FAM83H: variants seen among roughly 807,000 people sequenced by gnomAD.
FAM83H encodes scaffolding CK1 anchoring protein H.
FAM83H carries 24 observed loss-of-function variants against 30.2 expected under a neutral mutation model. The observed-to-expected ratio is 0.79, with a 90% CI of 0.57 to 1.12. The LOEUF (loss-of-function observed/expected upper bound fraction) is 1.12, where lower values mean the gene tolerates loss of function less well. Ranked by LOEUF, FAM83H falls within the 50% of genes most tolerant of loss-of-function variation. The pLI is 0.00. For synonymous variants in FAM83H, 1,013 were observed against 821.7 expected (o/e 1.23, Z -3.98); for missense variants, 2,038 against 1,773.9 (o/e 1.15, Z -2.67).
chr8:143,732,268 C>A (rs1818548876), intron 1 of FAM83H: 9 of 985,428 alleles, frequency 9.1e-6, no homozygotes, highest in Non-Finnish European at 1.1e-5. Flanking sequence ...CCCAACATTT[C>A]TTTGTTGGGG....
At chr8:143,731,403 G>A (rs9969573) in intron 1 of FAM83H, 14 of 984,952 alleles carry the variant, frequency 1.4e-5, no homozygotes, top group Non-Finnish European at 1.7e-5. Flanking sequence ...AGCAAACAGG[G>A]CTGTGACTAC....
rs1554625076 is a variant in FAM83H, at chr8:143,733,664, G to C, written c.-16+27C>G. The C allele has an allele frequency of 6.7e-6, 1 of 149,990 alleles. No individual in the cohort carries two copies. The highest frequency in any genetic ancestry group is 6.6e-5 in the Admixed American group (1 of 15,090). The allele number at this position is 149,990 out of a possible 1,614,324, so 9.3% of individuals were successfully genotyped here. Reference sequence around the variant, plus strand: ...CCCGCCCCCCGCCTCGCCCCGCCCCGCTCGGGCCGGGGGAGGGGGGCCCTA... The same window carrying C: ...CCCGCCCCCCGCCTCGCCCCGCCCCCCTCGGGCCGGGGGAGGGGGGCCCTA... On this transcript the variant is annotated intron_variant, in intron 1 of 4. Transcript: ENST00000388913. The surrounding 1 kb of genome is among the most constrained non-coding windows in gnomAD (Gnocchi z 5.6).
rs1554621481 is a variant in FAM83H, at chr8:143,725,975, G to A, written c.3486C>T (p.Ser1162=). Residue 1162 remains serine, a synonymous_variant, in exon 5 of 5, where the codon AGC becomes AGT. Coordinates refer to ENST00000388913, the MANE Select transcript of FAM83H (RefSeq NM_198488.5). ...EGPAEEGTRD[S]KVGKFVPKIL... is the part of the protein sequence containing the mutation. ...TCTTGGGCACGAACTTGCCCACCTT[G>A]CTGTCCCTGGTGCCCTCCTCCGCGG... is the stretch of plus-strand genomic sequence containing the variant. 1 of 1,612,936 alleles carries A rather than the reference G, an allele frequency of 6.2e-7. No homozygotes were observed. The highest frequency in any genetic ancestry group is 8.5e-7 in the Non-Finnish European group (1 of 1,179,964).
Position 143,726,744 on chromosome 8 carries a change from G to C in FAM83H, c.2717C>G (p.Ser906Ter). The C allele has an allele frequency of 6.2e-7, 1 of 1,612,198 alleles. No individual in the cohort carries two copies. Residue 906 changes from serine to a stop codon, truncating the protein, a stop_gained, in exon 5 of 5, where the codon TCA becomes TGA. Coordinates refer to ENST00000388913, the MANE Select transcript of FAM83H (RefSeq NM_198488.5). LOFTEE classifies it low-confidence loss of function (END_TRUNC). ...ACTACCCCTGCGCTCGGGGTAGGCT[G>C]AGGTGGGGCTCCCCTTCTGCTCGAT... ...GFIEQKGSPTSAYPERRGSPV... is the reference protein window; with the variant it reads ...GFIEQKGSPT
chr8:143,728,211 G>A lies in FAM83H; in HGVS notation c.1250C>T (p.Ala417Val). 2 of 1,599,378 alleles carry A rather than the reference G, an allele frequency of 1.3e-6. No homozygotes were observed. Among genetic ancestry groups the A allele is most frequent in the Non-Finnish European group, 1.7e-6 (2 of 1,177,020 alleles). The change falls in exon 5 of 5, where the codon GCG becomes GTG. Residue 417 changes from alanine (A) to valine (V), a missense_variant. Ala to Val is a moderately conservative substitution (Grantham distance 64). Transcript: ENST00000388913. The part of the protein sequence containing the change: ...FKRHSFATEG[A>V]GAVENFAAAR... ...GGCCGCGAAGTTCTCCACGGCGCCC[G>A]CGCCCTCGGTCGCGAAGCTGTGCCG...
In FAM83H at chr8:143,727,882, A is replaced by C; in HGVS notation, c.1579T>G (p.Phe527Val). The C allele has an allele frequency of 1.5e-6, 2 of 1,376,806 alleles. No homozygotes were observed. The allele number at this position is 1,376,806 out of a possible 1,614,324, so 85.3% of individuals were successfully genotyped here. Reference sequence around the variant, plus strand: ...TCCAGGCCGCGGGGTCCGGGCGCGAAGGCGGGGTCCGAGCCGTGGCGCACC... The same window carrying C: ...TCCAGGCCGCGGGGTCCGGGCGCGACGGCGGGGTCCGAGCCGTGGCGCACC... ...REVRHGSDPA[F>V]APGPRGLEPS... The change falls in exon 5 of 5, where the codon TTC (phenylalanine) becomes GTC (valine). Residue 527 changes from phenylalanine (F) to valine (V), a missense_variant. Coordinates refer to ENST00000388913, the MANE Select transcript of FAM83H (RefSeq NM_198488.5).
chr8:143,731,487 C>T, intron 1 of FAM83H: 1 of 985,476 alleles, frequency 1.0e-6, no homozygotes, highest in African/African-American at 1.7e-5. Flanking sequence ...CTCAGGGTTT[C>T]ACAATTGGGC....
Position 143,727,205 on chromosome 8 carries a change from C to A in FAM83H, c.2256G>T (p.Ala752=), listed in dbSNP as rs1484639082. 3 of 1,533,228 alleles carry A rather than the reference C, an allele frequency of 2.0e-6. No homozygotes were observed. The highest frequency in any genetic ancestry group is 2.6e-6 in the Non-Finnish European group (3 of 1,145,394). The allele number at this position is 1,533,228 out of a possible 1,614,324, so 95.0% of individuals were successfully genotyped here. A position where few individuals can be genotyped will look rare whatever the true frequency, so the allele number is the denominator to read the frequency against. The change falls in exon 5 of 5, where the codon GCG becomes GCT. Residue 752 remains alanine (A), a synonymous_variant. Transcript: ENST00000388913. ...TGTGGCTGGCAACGGTGATGGCGCC[C>A]GCGCCGCCGCCGGGATCACGGGCTG... is the stretch of plus-strand genomic sequence containing the variant. ...KGPARDPGGG[A]GAITVASHSK...
rs1818304332 is a variant in FAM83H, at chr8:143,726,608, C to T, written c.2853G>A (p.Ala951=). ...ISGESPKAGP[A]EEGPSGPMEV... Reference sequence around the variant, plus strand: ...CCATGGGGCCGCTCGGCCCCTCCTCCGCGGGCCCGGCCTTCGGGGACTCCC... The same window carrying T: ...CCATGGGGCCGCTCGGCCCCTCCTCTGCGGGCCCGGCCTTCGGGGACTCCC... Residue 951 remains alanine, a synonymous_variant, in exon 5 of 5, where the codon GCG becomes GCA. Coordinates refer to ENST00000388913, the MANE Select transcript of FAM83H (RefSeq NM_198488.5). 1.9e-6 allele frequency: 3 copies of T among 1,600,746 alleles called. No individual in the cohort carries two copies. Among genetic ancestry groups the T allele is most frequent in the East Asian group, 2.2e-5 (1 of 44,804 alleles).
Position 143,730,116 on chromosome 8 carries a change from T to C in FAM83H, c.447+20A>G. 2 of 1,519,370 alleles carry C rather than the reference T, an allele frequency of 1.3e-6. No homozygotes were observed. Among genetic ancestry groups the C allele is most frequent in the Non-Finnish European group, 1.8e-6 (2 of 1,128,864 alleles). 94.1% of individuals were successfully genotyped at this position (1,519,370 alleles called of 1,614,324 possible). On this transcript the variant is annotated intron_variant, in intron 2 of 4. Coordinates refer to ENST00000388913, the MANE Select transcript of FAM83H (RefSeq NM_198488.5). ...AGCCCAGGCCCCTCCCCCACTACCC[T>C]CAAGCCCAAGATGGCGCACCTGCTG... is the stretch of plus-strand genomic sequence containing the variant.
At chr8:143,728,863 C>T in intron 4 of FAM83H, 104 bp downstream of exon 4, 2 of 1,601,756 alleles carry the variant, frequency 1.2e-6, no homozygotes, top group Non-Finnish European at 1.7e-6. Flanking sequence ...CAGGGGTCTA[C>T]AGGACAAGGG....
At position 143,730,202 on chromosome 8, in the gene FAM83H, C is replaced by T. The variant is rs1478434184; in HGVS notation, c.381G>A (p.Gln127=). The change falls in exon 2 of 5, where the codon CAG becomes CAA. Residue 127 remains glutamine, a synonymous_variant. Coordinates refer to ENST00000388913, the MANE Select transcript of FAM83H (RefSeq NM_198488.5). ...TACTGGGGCTGTCGGGGGGCGGTGG[C>T]TGCACCAAGGTGGTCACCTCGGTGC... ...FQGTEVTTLV[Q]PPPPDSPSIK... is the part of the protein sequence containing the mutation. The T allele has an allele frequency of 1.9e-6, 3 of 1,610,816 alleles. No individual in the cohort carries two copies. Among genetic ancestry groups the T allele is most frequent in the African/African-American group, 2.7e-5 (2 of 74,902 alleles).
chr8:143,730,695 G>T, intron 1 of FAM83H, 98 bp from the exon 2 acceptor site: 1 of 919,252 alleles, frequency 1.1e-6, no homozygotes, highest in Non-Finnish European at 1.6e-6. Flanking sequence ...TCAGTGACTT[G>T]GGTAGGCTGG....
rs782222902 is a variant in FAM83H at position 143,730,657 on chromosome 8, G to A, written c.-15-60C>T. The A allele has an allele frequency of 2.9e-5, 35 of 1,192,414 alleles. No homozygotes were observed. The South Asian group carries it at 3.1e-4, about 11-fold the overall frequency. 73.9% of individuals were successfully genotyped at this position (1,192,414 alleles called of 1,614,324 possible). On this transcript the variant is annotated intron_variant, in intron 1 of 4. Coordinates refer to ENST00000388913, the MANE Select transcript of FAM83H (RefSeq NM_198488.5). ...GGGCACTGGGACCACTCCTACCCTC[G>A]AGCATGGACACACTGTGGAAAGGGC... is the stretch of plus-strand genomic sequence containing the variant.
At position 143,728,599 on chromosome 8, in the gene FAM83H, C is replaced by T. The variant is rs1554623524; in HGVS notation, c.862G>A (p.Ala288Thr). 6.2e-7 allele frequency: 1 copy of T among 1,608,810 alleles called. No individual in the cohort carries two copies. Among genetic ancestry groups the T allele is most frequent in the South Asian group, 1.1e-5 (1 of 90,638 alleles). The change falls in exon 5 of 5, where the codon GCC becomes ACC. Residue 288 changes from alanine to threonine, a missense_variant. Ala to Thr is a moderately conservative substitution (Grantham distance 58, BLOSUM62 0). Transcript: ENST00000388913. Reference protein sequence around the residue: ...FAQSEPLVPSAAALARMDAYA... With the variant: ...FAQSEPLVPSTAALARMDAYA... ...GCGTCCATGCGGGCCAGGGCCGCGG[C>T]CGAGGGCACAAGCGGCTCGGACTGC...
In FAM83H at chr8:143,728,006, G is replaced by A; in HGVS notation, c.1455C>T (p.Asp485=). 1.3e-6 allele frequency: 2 copies of A among 1,596,846 alleles called. No individual in the cohort carries two copies. Among genetic ancestry groups the A allele is most frequent in the Non-Finnish European group, 1.7e-6 (2 of 1,177,272 alleles). Residue 485 remains aspartate (D), a synonymous_variant, in exon 5 of 5, where the codon GAC becomes GAT. Transcript: ENST00000388913. The part of the protein sequence containing the change: ...KLRGGRAGFA[D]PDDFTLGAGP... ...CGGCGCCCAGGGTGAAGTCATCCGG[G>A]TCCGCGAAACCCGCGCGGCCCCCGC...
chr8:143,733,375 C>A lies in FAM83H; in HGVS notation c.-16+316G>T, dbSNP rs1818596802. 6.6e-6 allele frequency among the ~76,000 whole-genome samples: 1 copy of A among 152,196 alleles called. No individual in the cohort carries two copies. Among genetic ancestry groups the A allele is most frequent in the Admixed American group, 6.5e-5 (1 of 15,284 alleles). ...GCCCAGCACCCAGACTCCAGCTAGG[C>A]CGCGAGGGCGGGAGCGAGTCGGGAC... On this transcript the variant is annotated intron_variant, in intron 1 of 4. Transcript: ENST00000388913. This position sits in a 1 kb window ranked among gnomAD's most constrained non-coding sequence, Gnocchi z 5.6.
At position 143,726,934 on chromosome 8, in the gene FAM83H, T is replaced by C. The variant is rs782626750; in HGVS notation, c.2527A>G (p.Thr843Ala). 11 of 1,611,582 alleles carry C rather than the reference T, an allele frequency of 6.8e-6. 1 individual carries two copies. In the South Asian group the frequency reaches 7.7e-5, roughly 11 times the overall value. Residue 843 changes from threonine (T) to alanine (A), a missense_variant, in exon 5 of 5, where the codon ACG becomes GCG. Thr to Ala is a moderately conservative substitution (Grantham distance 58, BLOSUM62 0). Coordinates refer to ENST00000388913, the MANE Select transcript of FAM83H (RefSeq NM_198488.5). Reference protein sequence around the residue: ...SRFLSAQSHSTSPQGLDSPLP... With the variant: ...SRFLSAQSHSASPQGLDSPLP... ...GGGCTGTCCAGCCCTTGCGGGGACG[T>C]TGAGTGGCTCTGGGCAGAGAGGAAG...
chr8:143,732,742 G>A (rs1209192711), intron 1 of FAM83H: 1 of 985,224 alleles, frequency 1.0e-6, no homozygotes, highest in African/African-American at 1.7e-5. Flanking sequence ...AGCCACTCCC[G>A]AGCCCAAGAT....
Sources: gnomAD v4.1 joint callset for allele counts (sites outside exome capture counted in the v4.1 genomes callset) on GRCh38, gnomAD v4.1.1 for gene constraint, Gnocchi (gnomAD v3.1) non-coding constraint, MANE v1.5 for transcripts, NCBI Gene and HGNC (gene_info 2026-07-23, HGNC 2026-07-21) for gene names.